Variants in HEXB observed in about 807,000 individuals in gnomAD.
HEXB encodes hexosaminidase subunit beta.
Under a neutral mutation model 71.2 loss-of-function variants are expected in HEXB, and 51 were observed. The observed-to-expected ratio is 0.72, with a 90% confidence interval of 0.57 to 0.90. The LOEUF (loss-of-function observed/expected upper bound fraction) is 0.90, where lower values mean the gene tolerates loss of function less well. HEXB is among the 40% of genes least tolerant of loss of function. HEXB has a pLI of 0.00. For missense variants in HEXB, 617 were observed against 677.0 expected, an observed-to-expected ratio of 0.91 and a Z score of 0.98; for synonymous variants, 266 against 249.3, an observed-to-expected ratio of 1.07 and a Z score of -0.63.
At chr5:74,656,480 A>AAAAATAAAATAAAATAAAATAAAAT (rs369978790) in intron 1 of HEXB, among the ~76,000 whole-genome samples, 9 of 145,696 alleles carry the variant, frequency 6.2e-5, no homozygotes, top group South Asian at 2.2e-4. Context: ...CTCTGTCTCA[A>AAAAATAAAATAAAATAAAATAAAAT]AAAATAAAAT....
At position 74,720,731 on chromosome 5, in the gene HEXB, C is replaced by T. The variant is rs764552042; in HGVS notation, c.1597C>T (p.Arg533Cys). ...DDAYDRLTRH[R>C]CRMVERGIAA... is the part of the protein sequence containing the mutation. ...CGCCTATGACAGACTGACAAGGCAC[C>T]GCTGCAGGATGGTCGAGTAAGAAAT... Residue 533 changes from arginine (R) to cysteine (C), a missense_variant, in exon 13 of 14, where the codon CGC becomes TGC. Physicochemically the swap from Arg to Cys is radical, Grantham distance 180. Coordinates refer to ENST00000261416, the MANE Select transcript of HEXB (RefSeq NM_000521.4). The T allele has an allele frequency of 2.1e-5, 34 of 1,613,348 alleles. No individual in the cohort carries two copies. Among genetic ancestry groups the T allele is most frequent in the Non-Finnish European group, 2.5e-5 (29 of 1,179,332 alleles).
At chr5:74,716,269 C>T (rs570557599) in intron 8 of HEXB, among the ~76,000 whole-genome samples, 1 of 152,040 alleles carries the variant, frequency 6.6e-6, no homozygotes, top group African/African-American at 2.4e-5. Context: ...AATGAGAACA[C>T]CTTTAGTGAA....
intron 1 of HEXB, among the ~76,000 whole-genome samples, chr5:74,663,718 T>G (rs1200332239): frequency 1.3e-5 from 2 of 152,184 alleles, no homozygotes; most frequent in African/African-American, 4.8e-5. Context: ...CCATTACATA[T>G]AGATCAAGGG....
At chr5:74,704,060 T>C (rs1166213720) in intron 5 of HEXB, among the ~76,000 whole-genome samples, 1 of 152,194 alleles carries the variant, frequency 6.6e-6, no homozygotes, top group Admixed American at 6.5e-5. Flanking sequence ...GTGGAGTAGG[T>C]GTAACAAACT....
intron 1 of HEXB, among the ~76,000 whole-genome samples, chr5:74,649,426 GC>G (rs1416959582): frequency 1.3e-5 from 2 of 152,196 alleles, no homozygotes; most frequent in Non-Finnish European, 2.9e-5. Context: ...TGTGTGCTAG[GC>G]ACTTTCTATG....
rs76892211 is a variant in HEXB, at chr5:74,659,936, C to T, written c.-377+19378C>T. 6.9e-3 allele frequency among the ~76,000 whole-genome samples: 1,047 copies of T among 152,010 alleles called. 12 individuals carry two copies. Among genetic ancestry groups the T allele is most frequent in the African/African-American group, 0.024 (977 of 41,424 alleles). On this transcript the variant is annotated intron_variant, in intron 1 of 13. Coordinates refer to the HEXB transcript ENST00000511181. ...TCTTTTCCACCTTGAGGATGAAGGG[C>T]AGAAGGGGAGGGTGAGGGGAAATGC... is the stretch of plus-strand genomic sequence containing the variant.
intron 1 of HEXB, among the ~76,000 whole-genome samples, chr5:74,653,903 G>C (rs1050241806): frequency 6.6e-6 from 1 of 152,142 alleles, no homozygotes; most frequent in African/African-American, 2.4e-5. Context: ...ACTAGTAGGG[G>C]TGTGGTCTAG....
intron 13 of HEXB, 94 bp downstream of exon 13, chr5:74,720,841 T>G: frequency 9.9e-7 from 1 of 1,012,444 alleles, no homozygotes; most frequent in Non-Finnish European, 1.5e-6. Context: ...ACCTAACAAA[T>G]AGTAATTAGA....
chr5:74,662,895 C>CA, intron 1 of HEXB, among the ~76,000 whole-genome samples: 1 of 152,264 alleles, frequency 6.6e-6, no homozygotes, highest in East Asian at 1.9e-4. Flanking sequence ...GCCATTTCCC[C>CA]AAGGCTAAAC....
intron 1 of HEXB, among the ~76,000 whole-genome samples, chr5:74,644,194 CA>C (rs1337666555): frequency 6.6e-6 from 1 of 152,242 alleles, no homozygotes; most frequent in African/African-American, 2.4e-5. Flanking sequence ...GATGTGGTCT[CA>C]GCCAAGCCTT....
intron 1 of HEXB, among the ~76,000 whole-genome samples, chr5:74,666,212 G>A (rs1748428960): frequency 6.6e-6 from 1 of 152,194 alleles, no homozygotes; most frequent in Non-Finnish European, 1.5e-5. Context: ...CAGGCCACAA[G>A]GCAATGCTTG....
rs188710222 is a variant in HEXB at position 74,713,254 on chromosome 5, C to A, written c.772-252C>A. Among the ~76,000 whole-genome samples, 560 of 152,266 alleles carry A rather than the reference C, an allele frequency of 3.7e-3. 6 individuals are homozygous for A. The highest frequency in any genetic ancestry group is 0.013 in the African/African-American group (537 of 41,550). On this transcript the variant is annotated intron_variant, in intron 6 of 13. Coordinates refer to ENST00000261416, the MANE Select transcript of HEXB (RefSeq NM_000521.4). Reference sequence around the variant, plus strand: ...AAAATATGGTAAACAAATGATTTGACAAAAGCCCCAAAATGGCTATCATCC... The same window carrying A: ...AAAATATGGTAAACAAATGATTTGAAAAAAGCCCCAAAATGGCTATCATCC...
intron 1 of HEXB, among the ~76,000 whole-genome samples, chr5:74,656,687 T>C (rs1334183456): frequency 2.6e-5 from 4 of 152,102 alleles, no homozygotes; most frequent in Admixed American, 6.5e-5. Flanking sequence ...TCACTGCAAC[T>C]TCCACCTCCT....
chr5:74,669,734 A>T (rs1748498066), intron 1 of HEXB, among the ~76,000 whole-genome samples: 1 of 152,138 alleles, frequency 6.6e-6, no homozygotes, highest in South Asian at 2.1e-4. Flanking sequence ...GAGGATTTCC[A>T]GGGAAGACAG....
intron 6 of HEXB, among the ~76,000 whole-genome samples, 196 bp from the exon 7 acceptor site, chr5:74,713,308 TTC>T (rs1418439629): frequency 1.3e-5 from 2 of 152,168 alleles, no homozygotes. Context: ...AGTAGAAATT[TTC>T]TTTCTGAAAT....
intron 7 of HEXB, among the ~76,000 whole-genome samples, chr5:74,715,214 A>G (rs899355469): frequency 6.6e-6 from 1 of 152,206 alleles, no homozygotes; most frequent in Non-Finnish European, 1.5e-5. Context: ...CCAGCAGGGA[A>G]TTTGAAATAT....
rs70976121 is a variant in HEXB, at chr5:74,679,798, CAAAAAAA to C, written c.-376-9509_-376-9503del. 4.6e-4 allele frequency among the ~76,000 whole-genome samples: 18 copies of C among 38,924 alleles called. No individual in the cohort carries two copies. In the South Asian group the frequency reaches 8.6e-3, roughly 19 times the overall value. 25.5% of individuals were successfully genotyped at this position (38,924 alleles called of 152,430 possible). A position where few individuals can be genotyped will look rare whatever the true frequency, so the allele number is the denominator to read the frequency against. ...CTGGTGACAGCGCGAGACTCCGTCTCAAAAAAAAAAAAAAAAAAAAAAAAAAAGTATG... is the reference window on the plus strand; with the variant it reads ...CTGGTGACAGCGCGAGACTCCGTCTCAAAAAAAAAAAAAAAAAAAAGTATG... On this transcript the variant is annotated intron_variant, in intron 1 of 13. Coordinates refer to the HEXB transcript ENST00000511181.
At chr5:74,717,192 A>C (rs564248003) in intron 9 of HEXB, among the ~76,000 whole-genome samples, 1 of 152,044 alleles carries the variant, frequency 6.6e-6, no homozygotes, top group Non-Finnish European at 1.5e-5. Flanking sequence ...CAATCAATCA[A>C]TCAATCCATC....
chr5:74,720,157 C>T (rs377472269), intron 11 of HEXB: 101 of 463,630 alleles, frequency 2.2e-4, no homozygotes, highest in African/African-American at 1.3e-3. Flanking sequence ...CTGTTTAATA[C>T]TGGCCCACTA....
Sources: allele counts gnomAD v4.1 joint callset (sites outside exome capture counted in the v4.1 genomes callset), GRCh38; gene constraint gnomAD v4.1.1; transcripts MANE v1.5; gene names NCBI Gene and HGNC (gene_info 2026-07-23, HGNC 2026-07-21).